Variants in NIBAN1 observed in about 807,000 individuals in gnomAD.
NIBAN1 encodes the protein niban apoptosis regulator 1.
NIBAN1 carries 81 observed loss-of-function variants against 75.1 expected under a neutral mutation model. The ratio of observed to expected loss-of-function variants is 1.08; its 90% CI spans 0.90 to 1.30. The LOEUF is 1.30. NIBAN1 is among the 50% of genes most tolerant of loss of function. The pLI is 0.00. For synonymous variants in NIBAN1, 436 were observed against 424.8 expected, an observed-to-expected ratio of 1.03 and a Z score of -0.32; for missense variants, 1,133 against 1,128.1, an observed-to-expected ratio of 1.00 and a Z score of -0.06.
At chr1:184,928,655 C>G (rs1024508298) in intron 1 of NIBAN1, among the ~76,000 whole-genome samples, 1 of 152,128 alleles carries the variant, frequency 6.6e-6, no homozygotes, top group Admixed American at 6.5e-5. Context: ...CTCCCTCCCC[C>G]AAGCATACAG....
rs191237773 is a variant in NIBAN1, at chr1:184,936,710, C to T, written c.56-37401G>A. ...CACTGCGTGCGTGCGTGTGTGTGTG[C>T]GTGTGTGTGTGTAACCTCCCTCTGC... On this transcript the variant is annotated intron_variant, in intron 1 of 13. Coordinates refer to ENST00000367511, the MANE Select transcript of NIBAN1 (RefSeq NM_052966.4). Among the ~76,000 whole-genome samples the T allele has an allele frequency of 6.4e-3, 968 of 151,814 alleles. 4 individuals are homozygous for T. Among genetic ancestry groups the T allele is most frequent in the African/African-American group, 0.021 (862 of 41,450 alleles).
intron 1 of NIBAN1, among the ~76,000 whole-genome samples, chr1:184,944,529 C>T (rs72739641): frequency 0.041 from 6,255 of 152,282 alleles, 193 homozygotes; most frequent in Middle Eastern, 0.085. Flanking sequence ...CTGTTTGATG[C>T]CTTTAGGTAA....
At chr1:184,963,140 C>A (rs1011771758) in intron 1 of NIBAN1, among the ~76,000 whole-genome samples, 31 of 151,626 alleles carry the variant, frequency 2.0e-4, no homozygotes, top group African/African-American at 7.3e-4. Context: ...TCACTGTGAC[C>A]AAGTAGGGTA....
At chr1:184,819,323 A>T (rs916503984) in intron 8 of NIBAN1, among the ~76,000 whole-genome samples, 1 of 152,144 alleles carries the variant, frequency 6.6e-6, no homozygotes, top group Non-Finnish European at 1.5e-5. Flanking sequence ...ACCAAATTCC[A>T]TTCAGTTTGC....
At chr1:184,864,354 C>G (rs1655894105) in intron 5 of NIBAN1, among the ~76,000 whole-genome samples, 1 of 152,094 alleles carries the variant, frequency 6.6e-6, no homozygotes, top group African/African-American at 2.4e-5. Context: ...ACGTACAAAC[C>G]ATTTCATTTT....
intron 1 of NIBAN1, among the ~76,000 whole-genome samples, chr1:184,948,491 A>T (rs1339004046): frequency 1.3e-5 from 2 of 152,216 alleles, no homozygotes; most frequent in Non-Finnish European, 2.9e-5. Context: ...CTGTAATTTT[A>T]AAAAATTATT....
At position 184,823,612 on chromosome 1, in the gene NIBAN1, A is replaced by G. The variant is rs747468532; in HGVS notation, c.822+26T>C. On this transcript the variant is annotated intron_variant, in intron 7 of 13. Coordinates refer to ENST00000367511, the MANE Select transcript of NIBAN1 (RefSeq NM_052966.4). ...AGAATGTTCCCATTTTGAGTAGCTC[A>G]GTTGTAGAGCAAAACCATTGCTTAC... The G allele has an allele frequency of 1.1e-5, 18 of 1,606,154 alleles. No individual in the cohort carries two copies. In the African/African-American group the frequency reaches 2.4e-4, roughly 21 times the overall value.
At chr1:184,866,251 G>A (rs997324670) in intron 5 of NIBAN1, among the ~76,000 whole-genome samples, 15 of 152,178 alleles carry the variant, frequency 9.9e-5, no homozygotes, top group Admixed American at 6.5e-5. Flanking sequence ...AAGGACAGAT[G>A]AATGGACAGA....
chr1:184,911,686 G>T (rs1232026613), intron 1 of NIBAN1, among the ~76,000 whole-genome samples: 2 of 152,176 alleles, frequency 1.3e-5, no homozygotes, highest in African/African-American at 2.4e-5. Flanking sequence ...CCCATCATCT[G>T]CATGGTATTT....
chr1:184,945,543 T>G (rs988407260), intron 1 of NIBAN1, among the ~76,000 whole-genome samples: 1 of 152,176 alleles, frequency 6.6e-6, no homozygotes, highest in African/African-American at 2.4e-5. Flanking sequence ...AATATGGAAC[T>G]GCAAGCAATC....
intron 1 of NIBAN1, among the ~76,000 whole-genome samples, chr1:184,924,980 TC>T (rs1390293867): frequency 6.6e-6 from 1 of 152,134 alleles, no homozygotes; most frequent in African/African-American, 2.4e-5. Context: ...ACTTTTTGTT[TC>T]ATTGATCTTT....
chr1:184,827,450 GA>G (rs1654871608), intron 6 of NIBAN1, among the ~76,000 whole-genome samples: 1 of 151,578 alleles, frequency 6.6e-6, no homozygotes, highest in Admixed American at 6.6e-5. Flanking sequence ...CTTTTCTAGA[GA>G]AAGTAGCTAA....
At chr1:184,880,041 G>A (rs1037821663) in intron 5 of NIBAN1, among the ~76,000 whole-genome samples, 5 of 152,226 alleles carry the variant, frequency 3.3e-5, no homozygotes, top group East Asian at 1.9e-4. Flanking sequence ...TGTTCATGAC[G>A]ATGTGAACAC....
At chr1:184,860,836 G>A (rs1243728257) in intron 5 of NIBAN1, among the ~76,000 whole-genome samples, 4 of 152,148 alleles carry the variant, frequency 2.6e-5, no homozygotes, top group Admixed American at 6.5e-5. Flanking sequence ...AAATTCATTT[G>A]AAATATGCAA....
intron 1 of NIBAN1, among the ~76,000 whole-genome samples, chr1:184,929,181 C>T (rs991594978): frequency 6.6e-6 from 1 of 152,170 alleles, no homozygotes; most frequent in Non-Finnish European, 1.5e-5. Flanking sequence ...GAAATCCCAG[C>T]CAGTCCTTTT....
chr1:184,962,890 C>G (rs1240107857), intron 1 of NIBAN1, among the ~76,000 whole-genome samples: 1 of 151,952 alleles, frequency 6.6e-6, no homozygotes, highest in Non-Finnish European at 1.5e-5. Context: ...TTTTTTCCTG[C>G]TTTTGAACTA....
chr1:184,953,016 A>G (rs139800411), intron 1 of NIBAN1, among the ~76,000 whole-genome samples: 1 of 152,368 alleles, frequency 6.6e-6, no homozygotes. Context: ...AGGATTTTGA[A>G]GAAAAGTATT....
intron 1 of NIBAN1, among the ~76,000 whole-genome samples, chr1:184,908,464 T>C (rs1278167788): frequency 6.6e-6 from 1 of 152,200 alleles, no homozygotes; most frequent in Non-Finnish European, 1.5e-5. Flanking sequence ...TACCATTTCA[T>C]GTTACTATTC....
chr1:184,935,790 G>C (rs549712376), intron 1 of NIBAN1, among the ~76,000 whole-genome samples: 1 of 143,240 alleles, frequency 7.0e-6, no homozygotes, highest in Non-Finnish European at 1.5e-5. Flanking sequence ...AAGAGTTAGG[G>C]TTTTTTTTTT....
Sources: allele counts gnomAD v4.1 joint callset (sites outside exome capture counted in the v4.1 genomes callset), GRCh38; gene constraint gnomAD v4.1.1; transcripts MANE v1.5; gene names NCBI Gene and HGNC (gene_info 2026-07-23, HGNC 2026-07-21).